The following KDM2B variants were observed in gnomAD, a reference collection of about 807,000 sequenced individuals.
KDM2B encodes lysine-specific demethylase 2B.
In KDM2B, 26 loss-of-function variants were observed where a neutral mutation model predicts 150.0. The ratio of observed to expected loss-of-function variants is 0.17; its 90% confidence interval spans 0.13 to 0.24. The LOEUF is 0.24. KDM2B is among the 10% of genes least tolerant of loss of function. The pLI is 1.00. For missense variants in KDM2B, 1,265 were observed against 1,816.9 expected (o/e 0.70, Z 5.52); for synonymous variants, 734 against 729.5 (o/e 1.01, Z -0.10).
At position 121,429,614 on chromosome 12, in the gene KDM2B, A is replaced by G. The variant is rs781983725; in HGVS notation, c.*674T>C. The G allele has an allele frequency of 1.5e-5, 3 of 193,788 alleles. No homozygotes were observed. The highest frequency in any genetic ancestry group is 3.2e-5 in the Non-Finnish European group (3 of 94,064). The allele number at this position is 193,788 out of a possible 1,614,324, so 12.0% of individuals were successfully genotyped here. A position where few individuals can be genotyped will look rare whatever the true frequency, so the allele number is the denominator to read the frequency against. On this transcript the variant is annotated 3_prime_UTR_variant, in exon 23 of 23. Coordinates refer to ENST00000377071, the MANE Select transcript of KDM2B (RefSeq NM_032590.5). ...GGTACAAAGCAGACTCTCAACTTCC[A>G]GTTAAACATGCTTTTAAGTGGAAGG...
chr12:121,436,872 G>A (rs1874089809), intron 22 of KDM2B, among the ~76,000 whole-genome samples: 1 of 152,204 alleles, frequency 6.6e-6, no homozygotes, highest in Non-Finnish European at 1.5e-5. Flanking sequence ...CCTTGCCTCT[G>A]GAAGGCAGAA....
At chr12:121,420,367 C>T in the KDM2B span, 2 of 1,554,720 alleles carry the variant, frequency 1.3e-6, no homozygotes, top group Non-Finnish European at 1.7e-6. Context: ...GTTTCCCTGA[C>T]ATGTCAGCCT....
chr12:121,548,563 C>T (rs1179721925), intron 6 of KDM2B, among the ~76,000 whole-genome samples: 5 of 152,236 alleles, frequency 3.3e-5, no homozygotes, highest in Non-Finnish European at 7.3e-5. Context: ...AAAGTATGCA[C>T]AGTTGTGCCC....
downstream of KDM2B, among the ~76,000 whole-genome samples, chr12:121,425,670 A>G (rs532827528): frequency 6.6e-6 from 1 of 152,298 alleles, no homozygotes; most frequent in South Asian, 2.1e-4. Context: ...TTTGTCTGCA[A>G]CCACAATTGG....
intron 4 of KDM2B, among the ~76,000 whole-genome samples, chr12:121,572,984 C>T (rs1265665347): frequency 2.0e-5 from 3 of 152,006 alleles, no homozygotes; most frequent in African/African-American, 7.3e-5. Flanking sequence ...TGCCACTACG[C>T]CCGGCTAATT....
chr12:121,556,749 G>A (rs1594120019), intron 4 of KDM2B, among the ~76,000 whole-genome samples: 2 of 151,902 alleles, frequency 1.3e-5, no homozygotes, highest in East Asian at 1.9e-4. Flanking sequence ...CTACTCAGGA[G>A]GCTGAGGCAG....
chr12:121,417,963 C>T, the KDM2B span: 74 of 1,561,834 alleles, frequency 4.7e-5, no homozygotes, highest in Admixed American at 5.4e-4. The surrounding 1 kb of genome is among the most constrained non-coding windows in gnomAD (Gnocchi z 5.0). Context: ...TATTCTTGGC[C>T]GTATATGGTG....
chr12:121,568,464 AAAAC>A (rs1372659674), intron 4 of KDM2B, among the ~76,000 whole-genome samples: 6 of 152,304 alleles, frequency 3.9e-5, no homozygotes, highest in East Asian at 1.9e-4. Flanking sequence ...CCATCTCAAA[AAAAC>A]AAACAAACAA....
In KDM2B at chr12:121,467,380, G is replaced by C; in HGVS notation, c.1735-14036C>G. ...CCGCGCGCCTCGCACGCCCGCGCTG[G>C]AGGGGGCGGGGAGGGGCCGGCGGGG... On this transcript the variant is annotated intron_variant, in intron 12 of 22. Transcript: ENST00000377071. This position sits in a 1 kb window ranked among gnomAD's most constrained non-coding sequence, Gnocchi z 5.1. The C allele has an allele frequency of 2.0e-6, 2 of 980,240 alleles. No individual in the cohort carries two copies. Among genetic ancestry groups the C allele is most frequent in the South Asian group, 4.6e-5 (1 of 21,830 alleles). The allele number at this position is 980,240 out of a possible 1,614,324, so 60.7% of individuals were successfully genotyped here.
intron 22 of KDM2B, among the ~76,000 whole-genome samples, chr12:121,432,130 GC>G (rs1252404284): frequency 2.0e-5 from 3 of 151,802 alleles, no homozygotes; most frequent in Non-Finnish European, 4.4e-5. Context: ...GATCCATCCA[GC>G]TCAGCCTCCC....
intron 13 of KDM2B, among the ~76,000 whole-genome samples, chr12:121,451,449 A>T (rs1418043233): frequency 6.6e-6 from 1 of 152,120 alleles, no homozygotes; most frequent in African/African-American, 2.4e-5. Flanking sequence ...AACTGCACAG[A>T]GGTCAGATGG....
intron 12 of KDM2B, among the ~76,000 whole-genome samples, chr12:121,457,163 G>A (rs1732906806): frequency 6.6e-6 from 1 of 152,202 alleles, no homozygotes; most frequent in African/African-American, 2.4e-5. Context: ...AAAGGAAGGT[G>A]AGTCTGCCAG....
In KDM2B at chr12:121,430,324, C is replaced by A. The variant is rs561694413; in HGVS notation, c.3975G>T (p.Gly1325=). Residue 1325 remains glycine, a synonymous_variant, in exon 23 of 23, where the codon GGG becomes GGT. Coordinates refer to ENST00000377071, the MANE Select transcript of KDM2B (RefSeq NM_032590.5). The surrounding 1 kb of genome is among the most constrained non-coding windows in gnomAD (Gnocchi z 4.4). ...TTTGCAGGAGTTTTTCTTCTACTTG[C>A]CCAAACTGGACACTCACAGACATCT... ...IAEMSVSVQF[G]QVEEKLLQKL... is the part of the protein sequence containing the mutation. 32 of 1,614,184 alleles carry A rather than the reference C, an allele frequency of 2.0e-5. No homozygotes were observed. In the South Asian group the frequency reaches 3.1e-4, roughly 16 times the overall value.
chr12:121,478,822 C>CGT (rs1364945920), intron 12 of KDM2B, among the ~76,000 whole-genome samples: 6 of 151,246 alleles, frequency 4.0e-5, no homozygotes, highest in Admixed American at 2.6e-4. Flanking sequence ...CAAGCAGCTG[C>CGT]GACTACAGGC....
At position 121,442,497 on chromosome 12, in the gene KDM2B, C is replaced by T. The variant is rs782132082; in HGVS notation, c.2944G>A (p.Glu982Lys). ...ATGCCCGGGGGCCGCTTGGGCTCCTCGCCCTCGCTCTCAGGCTCCGACTTG... is the reference window on the plus strand; with the variant it reads ...ATGCCCGGGGGCCGCTTGGGCTCCTTGCCCTCGCTCTCAGGCTCCGACTTG... ...PIKSEPESEG[E>K]EPKRPPGICE... is the part of the protein sequence containing the mutation. Residue 982 changes from glutamate (E) to lysine (K), a missense_variant, in exon 19 of 23, where the codon GAG becomes AAG. Around this residue, in one of 11 missense-constraint regions of KDM2B, gnomAD observed 418 missense variants for 402.4 expected, o/e 1.04. Coordinates refer to ENST00000377071, the MANE Select transcript of KDM2B (RefSeq NM_032590.5). This position sits in a 1 kb window ranked among gnomAD's most constrained non-coding sequence, Gnocchi z 7.7. 2.5e-6 allele frequency: 4 copies of T among 1,599,508 alleles called. No homozygotes were observed. Among genetic ancestry groups the T allele is most frequent in the Non-Finnish European group, 3.4e-6 (4 of 1,179,822 alleles).
At chr12:121,433,122 T>C in intron 22 of KDM2B, 1 of 456,528 alleles carries the variant, frequency 2.2e-6, no homozygotes, top group Non-Finnish European at 4.4e-6. Context: ...CTTTGGAGGC[T>C]CATTCATGCC....
chr12:121,486,404 C>A (rs1330641137), intron 12 of KDM2B, among the ~76,000 whole-genome samples: 1 of 115,246 alleles, frequency 8.7e-6, no homozygotes, highest in African/African-American at 3.5e-5. Flanking sequence ...TGGTCTTGAA[C>A]TCTTGACCTT....
chr12:121,463,568 CATTTTT>C (rs1173257790), intron 12 of KDM2B, among the ~76,000 whole-genome samples: 4 of 152,204 alleles, frequency 2.6e-5, no homozygotes, highest in South Asian at 4.1e-4. Flanking sequence ...AAGCTGTAGC[CATTTTT>C]ATTTTTATTT....
chr12:121,419,637 A>G, the KDM2B span, among the ~76,000 whole-genome samples: 1 of 152,222 alleles, frequency 6.6e-6, no homozygotes, highest in Non-Finnish European at 1.5e-5. Context: ...TGTCAAATAT[A>G]GTCAAAAGAA....
Sources: allele counts gnomAD v4.1 joint callset (sites outside exome capture counted in the v4.1 genomes callset), GRCh38; gene constraint gnomAD v4.1.1; regional missense constraint gnomAD v4.1.1; non-coding constraint Gnocchi (gnomAD v3.1); transcripts MANE v1.5; gene names NCBI Gene and HGNC (gene_info 2026-07-23, HGNC 2026-07-21).